The following HIVEP1 variants were observed in gnomAD, a reference collection of about 807,000 sequenced individuals.
HIVEP1 encodes HIVEP zinc finger 1, also known as zinc finger protein 40.
In HIVEP1, 36 loss-of-function variants were observed where a neutral mutation model predicts 180.0. The ratio of observed to expected loss-of-function variants is 0.20; its 90% CI spans 0.15 to 0.26. The LOEUF (loss-of-function observed/expected upper bound fraction) is 0.26, where lower values mean the gene tolerates loss of function less well. Ranked by LOEUF, HIVEP1 falls within the 10% of genes least tolerant of loss-of-function variation. The pLI, the probability that HIVEP1 is intolerant of heterozygous loss-of-function variation, is 1.00. For synonymous variants in HIVEP1, 1,239 were observed against 1,239.0 expected (o/e 1.00, Z 0.00); for missense variants, 3,143 against 3,268.7 (o/e 0.96, Z 0.94).
At chr6:12,112,622 A>G (rs1235204120) in intron 3 of HIVEP1, among the ~76,000 whole-genome samples, 4 of 151,310 alleles carry the variant, frequency 2.6e-5, no homozygotes, top group East Asian at 3.9e-4. Flanking sequence ...TCTCAGTGCT[A>G]GTGCCCCTGC....
At chr6:12,128,982 G>A (rs1278762574) in intron 4 of HIVEP1, among the ~76,000 whole-genome samples, 6 of 152,110 alleles carry the variant, frequency 3.9e-5, no homozygotes, top group Non-Finnish European at 8.8e-5. Context: ...TGGCTGAGGT[G>A]GGAGGATCAC....
chr6:12,155,229 A>G (rs1468967762), intron 7 of HIVEP1, among the ~76,000 whole-genome samples: 2 of 152,206 alleles, frequency 1.3e-5, no homozygotes, highest in East Asian at 3.8e-4. Context: ...TCATTAACCC[A>G]ATGAATATTT....
chr6:12,091,114 C>T (rs965587867), intron 3 of HIVEP1, among the ~76,000 whole-genome samples: 5 of 152,078 alleles, frequency 3.3e-5, no homozygotes, highest in African/African-American at 1.2e-4. Flanking sequence ...ATCAGTTTCT[C>T]TTTAACAACA....
intron 2 of HIVEP1, among the ~76,000 whole-genome samples, chr6:12,070,057 A>T (rs1177788789): frequency 3.9e-5 from 6 of 152,158 alleles, no homozygotes; most frequent in Non-Finnish European, 8.8e-5. Context: ...GAAGGTCTTC[A>T]GGGGCAGTGA....
chr6:12,194,433 A>G, the HIVEP1 span, among the ~76,000 whole-genome samples: 2 of 152,200 alleles, frequency 1.3e-5, no homozygotes, highest in Admixed American at 1.3e-4. Flanking sequence ...AGCACTGACC[A>G]TTATGACCAA....
chr6:12,110,623 G>A (rs556390420), intron 3 of HIVEP1, among the ~76,000 whole-genome samples: 4 of 152,284 alleles, frequency 2.6e-5, no homozygotes, highest in African/African-American at 9.6e-5. Flanking sequence ...CCTTTCTCTG[G>A]GTTAGGCTTT....
intron 3 of HIVEP1, among the ~76,000 whole-genome samples, chr6:12,111,606 A>T (rs1028083375): frequency 6.6e-6 from 1 of 152,228 alleles, no homozygotes; most frequent in African/African-American, 2.4e-5. Context: ...AGAGGCTACC[A>T]TGTTCTTTGG....
intron 2 of HIVEP1, chr6:12,037,968 G>A: frequency 2.6e-6 from 1 of 385,098 alleles, no homozygotes. Context: ...TCCTGTGTTG[G>A]CCCCCCAAAG....
Position 12,121,582 on chromosome 6 carries a change from T to C in HIVEP1, c.1787T>C (p.Leu596Pro), listed in dbSNP as rs529307253. The C allele has an allele frequency of 1.2e-5, 19 of 1,614,138 alleles. No individual in the cohort carries two copies. The African/African-American group carries it at 1.5e-4, about 12-fold the overall frequency. ...ELSSAQKQKD[L>P]QVTNVQPLSA... is the part of the protein sequence containing the mutation. ...TCTAGTGCACAAAAGCAGAAGGACC[T>C]TCAGGTGACAAACGTACAGCCACTT... Residue 596 changes from leucine to proline, a missense_variant, in exon 4 of 9, where the codon CTT becomes CCT. Physicochemically the swap from Leu to Pro is moderately conservative, Grantham distance 98 (BLOSUM62 -3). Transcript: ENST00000379388. This position sits in a 1 kb window ranked among gnomAD's most constrained non-coding sequence, Gnocchi z 5.3.
At chr6:12,052,206 TATTG>T (rs1009665158) in intron 2 of HIVEP1, among the ~76,000 whole-genome samples, 2 of 152,338 alleles carry the variant, frequency 1.3e-5, no homozygotes, top group African/African-American at 4.8e-5. Flanking sequence ...ATGATGAATG[TATTG>T]ATTCTTTTAC....
chr6:12,051,559 T>C (rs928456125), intron 2 of HIVEP1, among the ~76,000 whole-genome samples: 3 of 152,046 alleles, frequency 2.0e-5, no homozygotes, highest in Non-Finnish European at 4.4e-5. Context: ...GTAAATACTA[T>C]ATAATTAGTG....
chr6:12,032,347 T>G (rs1416435058), intron 2 of HIVEP1, among the ~76,000 whole-genome samples: 3 of 152,050 alleles, frequency 2.0e-5, no homozygotes, highest in Admixed American at 6.5e-5. Flanking sequence ...TTTCACTGTG[T>G]TAGCCAGGAT....
chr6:12,075,079 C>T (rs1322590725), intron 2 of HIVEP1, among the ~76,000 whole-genome samples: 1 of 152,176 alleles, frequency 6.6e-6, no homozygotes, highest in Non-Finnish European at 1.5e-5. Context: ...TTTCTCACAC[C>T]GCCCCTTTCC....
At chr6:12,209,459 G>T in the HIVEP1 span, among the ~76,000 whole-genome samples, 84,395 of 151,994 alleles carry the variant, frequency 0.56, 24,494 homozygotes, top group African/African-American at 0.74. Flanking sequence ...TTTTTCTCTA[G>T]AGGGCTTATC....
intron 2 of HIVEP1, among the ~76,000 whole-genome samples, chr6:12,068,793 C>A (rs936145931): frequency 6.6e-6 from 1 of 151,998 alleles, no homozygotes; most frequent in African/African-American, 2.4e-5. Context: ...ATTATACATA[C>A]CTGTGTATTT....
At chr6:12,148,949 A>G (rs1759530702) in intron 7 of HIVEP1, among the ~76,000 whole-genome samples, 1 of 152,226 alleles carries the variant, frequency 6.6e-6, no homozygotes, top group South Asian at 2.1e-4. Flanking sequence ...GATGACTATT[A>G]GATAATATAG....
the HIVEP1 span, among the ~76,000 whole-genome samples, chr6:12,199,610 C>G: frequency 6.6e-6 from 1 of 152,154 alleles, no homozygotes; most frequent in South Asian, 2.1e-4. Context: ...ATCTGCCCAC[C>G]TCGGCCTCCT....
At chr6:12,056,047 T>G (rs1381583854) in intron 2 of HIVEP1, among the ~76,000 whole-genome samples, 1 of 152,188 alleles carries the variant, frequency 6.6e-6, no homozygotes, top group Non-Finnish European at 1.5e-5. Flanking sequence ...ATTAAATGGC[T>G]CTAGGCACTT....
intron 2 of HIVEP1, among the ~76,000 whole-genome samples, chr6:12,049,417 G>A (rs978773375): frequency 1.3e-5 from 2 of 152,182 alleles, no homozygotes; most frequent in African/African-American, 2.4e-5. Context: ...GGAGCTTGTG[G>A]CGTGACAGCA....
Sources: allele counts gnomAD v4.1 joint callset (sites outside exome capture counted in the v4.1 genomes callset), GRCh38; gene constraint gnomAD v4.1.1; non-coding constraint Gnocchi (gnomAD v3.1); transcripts MANE v1.5; gene names NCBI Gene and HGNC (gene_info 2026-07-23, HGNC 2026-07-21).